SGCD: variants seen among roughly 807,000 people sequenced by gnomAD.
The protein encoded by SGCD is delta-sarcoglycan.
A neutral mutation model predicts 36.6 loss-of-function variants in SGCD; 18 were observed. The ratio of observed to expected loss-of-function variants is 0.49; its 90% confidence interval spans 0.34 to 0.73. The LOEUF (loss-of-function observed/expected upper bound fraction) is 0.73, where lower values mean the gene tolerates loss of function less well. Among genes scored for constraint, SGCD ranks in the 30% least tolerant of loss-of-function variants. The pLI, the probability that SGCD is intolerant of heterozygous loss-of-function variation, is 0.01. For missense variants in SGCD, 387 were observed against 346.7 expected, an observed-to-expected ratio of 1.12 and a Z score of -0.92; for synonymous variants, 133 against 130.6, an observed-to-expected ratio of 1.02 and a Z score of -0.12.
At chr5:156,564,176 G>A (rs6880155) in intron 4 of SGCD, among the ~76,000 whole-genome samples, 33,526 of 152,072 alleles carry the variant, frequency 0.22, 4,583 homozygotes, top group Non-Finnish European at 0.31. Context: ...TGGGCCAGGC[G>A]CAGTGGCTCA....
At chr5:156,305,827 A>G (rs1443991032) in intron 3 of SGCD, among the ~76,000 whole-genome samples, 1 of 152,252 alleles carries the variant, frequency 6.6e-6, no homozygotes, top group African/African-American at 2.4e-5. Flanking sequence ...TGATCCAGAT[A>G]CAAGACATGG....
At chr5:156,195,542 C>T (rs961245288) in intron 3 of SGCD, among the ~76,000 whole-genome samples, 14 of 152,146 alleles carry the variant, frequency 9.2e-5, no homozygotes, top group African/African-American at 3.4e-4. Context: ...AGAATTAAAT[C>T]ATTCAAATCA....
At chr5:156,179,915 CA>C (rs1190032345) in intron 3 of SGCD, among the ~76,000 whole-genome samples, 1 of 152,154 alleles carries the variant, frequency 6.6e-6, no homozygotes, top group Admixed American at 6.5e-5. Context: ...TGAGCCACAG[CA>C]CCTGGACCCA....
At chr5:156,359,570 T>C (rs565012393) in intron 3 of SGCD, among the ~76,000 whole-genome samples, 11 of 152,272 alleles carry the variant, frequency 7.2e-5, no homozygotes, top group African/African-American at 2.4e-4. Context: ...ACCCAGAATT[T>C]CTAACAGCTG....
intron 3 of SGCD, among the ~76,000 whole-genome samples, chr5:156,450,296 G>A (rs113903232): frequency 8.6e-5 from 13 of 152,038 alleles, no homozygotes; most frequent in African/African-American, 2.9e-4. Context: ...GGGAACCTAG[G>A]TGCAGAGCTA....
intron 1 of SGCD, among the ~76,000 whole-genome samples, chr5:155,920,647 T>C (rs1756857062): frequency 6.6e-6 from 1 of 152,194 alleles, no homozygotes; most frequent in South Asian, 2.1e-4. Flanking sequence ...AGTCCGAAAT[T>C]TGAGGCTCTT....
At chr5:155,919,685 T>C (rs1372744464) in intron 1 of SGCD, among the ~76,000 whole-genome samples, 1 of 152,208 alleles carries the variant, frequency 6.6e-6, no homozygotes, top group East Asian at 1.9e-4. Context: ...GACAAGACCC[T>C]TGGAAGGATG....
intron 2 of SGCD, among the ~76,000 whole-genome samples, chr5:156,335,700 T>A (rs1768315208): frequency 6.6e-6 from 1 of 152,170 alleles, no homozygotes; most frequent in African/African-American, 2.4e-5. Flanking sequence ...CTGTTCCCTG[T>A]GGGGTACCCT....
chr5:156,259,076 T>C (rs1765784803), intron 3 of SGCD, among the ~76,000 whole-genome samples: 2 of 152,036 alleles, frequency 1.3e-5, no homozygotes, highest in Non-Finnish European at 2.9e-5. Context: ...AAGCAGTGTA[T>C]GGGTTTCAGT....
In SGCD at chr5:156,237,065, C is replaced by T. The variant is rs183929754; in HGVS notation, c.-43-92469C>T. 1.8e-3 allele frequency among the ~76,000 whole-genome samples: 269 copies of T among 150,074 alleles called. 1 individual carries two copies. The highest frequency in any genetic ancestry group is 6.4e-3 in the African/African-American group (262 of 40,868). ...GGCCAGGCTGGTCTTGAACCCCTGA[C>T]CTCAGTTGATTCATGTGCCTTGGCC... On this transcript the variant is annotated intron_variant, in intron 3 of 9. Transcript: ENST00000517913.
intron 3 of SGCD, among the ~76,000 whole-genome samples, chr5:156,365,790 T>C (rs1770066631): frequency 6.6e-6 from 1 of 152,214 alleles, no homozygotes; most frequent in African/African-American, 2.4e-5. Flanking sequence ...CATGTGTATA[T>C]GCATGTATAC....
chr5:156,170,392 A>G (rs538445958), intron 3 of SGCD, among the ~76,000 whole-genome samples: 1 of 152,274 alleles, frequency 6.6e-6, no homozygotes, highest in Admixed American at 6.5e-5. Context: ...TAATGGGTAA[A>G]TTTTGACCCT....
chr5:156,504,233 C>T (rs1756590559), intron 3 of SGCD, among the ~76,000 whole-genome samples: 1 of 150,802 alleles, frequency 6.6e-6, no homozygotes, highest in Non-Finnish European at 1.5e-5. Context: ...TTATAAAGTA[C>T]AGATAAGCAA....
intron 3 of SGCD, among the ~76,000 whole-genome samples, chr5:156,405,974 C>T (rs995399235): frequency 1.4e-5 from 2 of 138,936 alleles, no homozygotes; most frequent in Non-Finnish European, 3.0e-5. Context: ...TGTATCCACT[C>T]CTGTGTGTAG....
chr5:155,985,862 T>C (rs1758318682), intron 1 of SGCD, among the ~76,000 whole-genome samples: 1 of 152,176 alleles, frequency 6.6e-6, no homozygotes, highest in African/African-American at 2.4e-5. Context: ...CCTCACTTGC[T>C]TGTAAATGCT....
chr5:156,580,817 T>G (rs1402156992), intron 4 of SGCD, among the ~76,000 whole-genome samples: 1 of 152,146 alleles, frequency 6.6e-6, no homozygotes, highest in Non-Finnish European at 1.5e-5. Context: ...TTTTTCAAGG[T>G]TTTTAGCTTC....
intron 1 of SGCD, among the ~76,000 whole-genome samples, chr5:155,990,975 C>A (rs10475650): frequency 2.6e-5 from 4 of 152,042 alleles, no homozygotes; most frequent in Admixed American, 1.3e-4. Context: ...CTCAGTGTCA[C>A]CTGGAAGGTT....
intron 7 of SGCD, among the ~76,000 whole-genome samples, chr5:156,672,828 C>G (rs1753352102): frequency 6.6e-6 from 1 of 152,170 alleles, no homozygotes; most frequent in East Asian, 1.9e-4. Context: ...CTGCCCTTCT[C>G]TTGTTTGCTG....
chr5:156,729,375 G>A (rs1471257983), intron 7 of SGCD, among the ~76,000 whole-genome samples: 2 of 152,166 alleles, frequency 1.3e-5, no homozygotes, highest in Admixed American at 6.5e-5. Context: ...AATCTCCCAC[G>A]TGTATTAACA....
Sources: gnomAD v4.1 joint callset for allele counts (sites outside exome capture counted in the v4.1 genomes callset) on GRCh38, gnomAD v4.1.1 for gene constraint, MANE v1.5 for transcripts, NCBI Gene and HGNC (gene_info 2026-07-23, HGNC 2026-07-21) for gene names.